TTC21B: variants seen among roughly 807,000 people sequenced by gnomAD.
TTC21B encodes tetratricopeptide repeat protein 21B.
In TTC21B, 127 loss-of-function variants were observed where a neutral mutation model predicts 175.1. The ratio of observed to expected loss-of-function variants is 0.73; its 90% confidence interval spans 0.63 to 0.84. TTC21B has a LOEUF of 0.84. Ranked by LOEUF, TTC21B falls within the 40% of genes least tolerant of loss-of-function variation. The pLI, the probability that TTC21B is intolerant of heterozygous loss-of-function variation, is 0.00. For missense variants in TTC21B, 1,561 were observed against 1,558.3 expected (o/e 1.00, Z -0.03); for synonymous variants, 524 against 524.5 (o/e 1.00, Z 0.01).
chr2:165,882,308 T>A (rs1359736469), intron 26 of TTC21B, among the ~76,000 whole-genome samples: 1 of 152,200 alleles, frequency 6.6e-6, no homozygotes, highest in Non-Finnish European at 1.5e-5. Context: ...AGGCAGGATA[T>A]TTATTTGCAA....
At chr2:165,911,505 A>C (rs1685932756) in intron 17 of TTC21B, 40 bp from the exon 18 acceptor site, 1 of 1,611,792 alleles carries the variant, frequency 6.2e-7, no homozygotes, top group Non-Finnish European at 8.5e-7. Flanking sequence ...CAAGGCAATG[A>C]GAATGGCATT....
chr2:165,907,639 T>G, intron 19 of TTC21B, 39 bp downstream of exon 19: 6 of 1,376,780 alleles, frequency 4.4e-6, no homozygotes, highest in Non-Finnish European at 6.2e-6. Context: ...TGCATCCATC[T>G]CCTACCTCAT....
At position 165,890,899 on chromosome 2, in the gene TTC21B, T is replaced by C. The variant is rs1685166327; in HGVS notation, c.3040A>G (p.Lys1014Glu). The C allele has an allele frequency of 6.2e-7, 1 of 1,613,382 alleles. No homozygotes were observed. Among genetic ancestry groups the C allele is most frequent in the Admixed American group, 1.7e-5 (1 of 59,974 alleles). Residue 1014 changes from lysine to glutamate, a missense_variant, in exon 23 of 29, where the codon AAA becomes GAA. Lys to Glu is a moderately conservative substitution (Grantham distance 56, BLOSUM62 1). Transcript: ENST00000243344. Reference protein sequence around the residue: ...DVPRFFSMAEKRNSRAKLEPG... With the variant: ...DVPRFFSMAEERNSRAKLEPG... ...TCCAATTTTGCTCTGGAGTTACGTTTCTCAGCCATTGAGAAAAATCTTGGG... is the reference window on the plus strand; with the variant it reads ...TCCAATTTTGCTCTGGAGTTACGTTCCTCAGCCATTGAGAAAAATCTTGGG...
At chr2:165,896,436 C>T (rs1454842938) in intron 22 of TTC21B, among the ~76,000 whole-genome samples, 1 of 152,102 alleles carries the variant, frequency 6.6e-6, no homozygotes, top group East Asian at 1.9e-4. Flanking sequence ...TTTCTGGTCA[C>T]TTGATGCTTC....
At chr2:165,952,275 T>C (rs1687782318) in intron 1 of TTC21B, among the ~76,000 whole-genome samples, 2 of 152,232 alleles carry the variant, frequency 1.3e-5, no homozygotes, top group South Asian at 4.1e-4. Flanking sequence ...ACATGAAAAT[T>C]ACATGAAAGT....
At chr2:165,918,355 C>T (rs766734040) in intron 13 of TTC21B, among the ~76,000 whole-genome samples, 7 of 152,116 alleles carry the variant, frequency 4.6e-5, no homozygotes, top group Non-Finnish European at 1.5e-5. Context: ...AGTGCAGTGG[C>T]GTGATCTCAG....
intron 24 of TTC21B, among the ~76,000 whole-genome samples, chr2:165,889,132 TA>T (rs1685103626): frequency 6.6e-6 from 1 of 152,194 alleles, no homozygotes; most frequent in Non-Finnish European, 1.5e-5. Context: ...CCCATGCACA[TA>T]AATATACATA....
intron 1 of TTC21B, among the ~76,000 whole-genome samples, chr2:165,950,359 C>A (rs1687723757): frequency 6.6e-6 from 1 of 152,130 alleles, no homozygotes; most frequent in Non-Finnish European, 1.5e-5. Context: ...CTATCAGGAC[C>A]TACTAACTTC....
In TTC21B at chr2:165,898,671, T is replaced by C; in HGVS notation, c.2950+15A>G. The C allele has an allele frequency of 2.6e-6, 4 of 1,561,382 alleles. No homozygotes were observed. Among genetic ancestry groups the C allele is most frequent in the Non-Finnish European group, 3.5e-6 (4 of 1,131,980 alleles). ...GGGTGACTGCACTCAAAAAATACAA[T>C]AAGTAGGTATTTACCTGGCTTACGT... On this transcript the variant is annotated intron_variant, in intron 22 of 28. Coordinates refer to ENST00000243344, the MANE Select transcript of TTC21B (RefSeq NM_024753.5).
chr2:165,876,324 G>C (rs1684663825), intron 27 of TTC21B, 92 bp from the exon 28 acceptor site: 1 of 823,132 alleles, frequency 1.2e-6, no homozygotes. Context: ...ACTCACTAGA[G>C]AATGGTAAGG....
chr2:165,931,984 C>T (rs1288646990), intron 7 of TTC21B, 128 bp from the exon 8 acceptor site: 2 of 683,320 alleles, frequency 2.9e-6, no homozygotes, highest in South Asian at 3.2e-5. Flanking sequence ...ATAAATTCCT[C>T]CTCCTTCAAT....
chr2:165,899,959 A>T (rs1220739873), intron 20 of TTC21B, 79 bp from the exon 21 acceptor site: 4 of 917,066 alleles, frequency 4.4e-6, no homozygotes, highest in Non-Finnish European at 7.2e-6. Flanking sequence ...GTACAGATTA[A>T]ACTTTAGTTG....
chr2:165,898,464 G>C (rs1685445431), intron 22 of TTC21B, among the ~76,000 whole-genome samples: 1 of 152,192 alleles, frequency 6.6e-6, no homozygotes, highest in Non-Finnish European at 1.5e-5. Flanking sequence ...TTGGAATACA[G>C]TAGGATTACC....
chr2:165,873,710 T>C lies in TTC21B; in HGVS notation c.*1045A>G, dbSNP rs1684578945. On this transcript the variant is annotated 3_prime_UTR_variant, in exon 29 of 29. Transcript: ENST00000243344. ...TCCCTAATAAGGGACCTATTTAAAT[T>C]GAGGTTTCAGGACCTGATTATTTCT... The C allele has an allele frequency of 6.6e-6, 1 of 152,192 alleles. No individual in the cohort carries two copies. Among genetic ancestry groups the C allele is most frequent in the East Asian group, 1.9e-4 (1 of 5,188 alleles). The allele number at this position is 152,192 out of a possible 1,614,324, so 9.4% of individuals were successfully genotyped here. A position where few individuals can be genotyped will look rare whatever the true frequency, so the allele number is the denominator to read the frequency against.
At position 165,953,768 on chromosome 2, in the gene TTC21B, G is replaced by C; in HGVS notation, c.-63C>G. 6.5e-7 allele frequency: 1 copy of C among 1,544,844 alleles called. No homozygotes were observed. Among genetic ancestry groups the C allele is most frequent in the African/African-American group, 1.4e-5 (1 of 72,894 alleles). Reference sequence around the variant, plus strand: ...GTCTCGCCGCAGCCTAAAGGAAGACGCAGAATTCAGCTCCCCTAGCCTCCC... The same window carrying C: ...GTCTCGCCGCAGCCTAAAGGAAGACCCAGAATTCAGCTCCCCTAGCCTCCC... On this transcript the variant is annotated 5_prime_UTR_variant, in exon 1 of 29. Coordinates refer to ENST00000243344, the MANE Select transcript of TTC21B (RefSeq NM_024753.5).
At chr2:165,918,910 T>C (rs1574104630) in intron 13 of TTC21B, among the ~76,000 whole-genome samples, 2 of 152,180 alleles carry the variant, frequency 1.3e-5, no homozygotes, top group Non-Finnish European at 2.9e-5. Flanking sequence ...CAGACAATTA[T>C]TATCTTTATA....
At chr2:165,936,537 G>A (rs772566912) in intron 6 of TTC21B, among the ~76,000 whole-genome samples, 3 of 151,904 alleles carry the variant, frequency 2.0e-5, no homozygotes, top group Admixed American at 6.6e-5. Flanking sequence ...ATCAGATATA[G>A]ATATATCTGA....
intron 6 of TTC21B, 57 bp from the exon 7 acceptor site, chr2:165,933,114 G>C (rs1240614664): frequency 6.6e-7 from 1 of 1,526,010 alleles, no homozygotes; most frequent in Non-Finnish European, 8.9e-7. Context: ...TCTTTTATTC[G>C]AGGGCATGAA....
chr2:165,888,180 T>C (rs963156099), intron 25 of TTC21B, 99 bp downstream of exon 25: 2 of 969,610 alleles, frequency 2.1e-6, no homozygotes, highest in Non-Finnish European at 3.2e-6. Context: ...AGTTAAGTAA[T>C]TAAGTCAATC....
Sources: allele counts gnomAD v4.1 joint callset (sites outside exome capture counted in the v4.1 genomes callset), GRCh38; gene constraint gnomAD v4.1.1; transcripts MANE v1.5; gene names NCBI Gene and HGNC (gene_info 2026-07-23, HGNC 2026-07-21).